Variants in TMEM64 observed in about 807,000 individuals in gnomAD.
The protein encoded by TMEM64 is transmembrane protein 64.
TMEM64 carries 19 observed loss-of-function variants against 24.5 expected under a neutral mutation model. That is an observed-to-expected ratio of 0.78 (90% CI 0.54 to 1.14). The LOEUF (loss-of-function observed/expected upper bound fraction) is 1.14. Ranked by LOEUF, TMEM64 falls within the 50% of genes most tolerant of loss-of-function variation. The pLI is 0.00. For missense variants in TMEM64, 487 were observed against 493.0 expected (o/e 0.99, Z 0.12); for synonymous variants, 262 against 224.7 (o/e 1.17, Z -1.49).
chr8:90,644,656 A>G (rs567872370), intron 1 of TMEM64, among the ~76,000 whole-genome samples: 2 of 152,340 alleles, frequency 1.3e-5, no homozygotes, highest in South Asian at 4.1e-4. Context: ...GGAGTCTGCA[A>G]CTAGCTCCTC....
intron 1 of TMEM64, among the ~76,000 whole-genome samples, chr8:90,643,226 C>G (rs903252067): frequency 2.0e-5 from 3 of 152,210 alleles, no homozygotes; most frequent in African/African-American, 7.2e-5. Flanking sequence ...CAAAGTTTGA[C>G]TCTACCATTA....
chr8:90,641,330 T>C (rs1223206343), intron 1 of TMEM64, among the ~76,000 whole-genome samples: 1 of 152,056 alleles, frequency 6.6e-6, no homozygotes, highest in Non-Finnish European at 1.5e-5. Flanking sequence ...AAGTTTGAAT[T>C]TCATATAATT....
intron 2 of TMEM64, among the ~76,000 whole-genome samples, chr8:90,629,780 T>C (rs1240246740): frequency 6.6e-6 from 1 of 152,156 alleles, no homozygotes; most frequent in Non-Finnish European, 1.5e-5. Flanking sequence ...ACTCTTTGCA[T>C]GTCAAAAATA....
rs1809302444 is a variant in TMEM64 at position 90,622,916 on chromosome 8, C to G, written c.*2755G>C. On this transcript the variant is annotated 3_prime_UTR_variant, in exon 3 of 3. Transcript: ENST00000458549. ...ATTTGGTAATATTATTTTCACAAAC[C>G]AAACAGTACAAATTTCAAGTTATTT... is the stretch of plus-strand genomic sequence containing the variant. 6.6e-6 allele frequency: 1 copy of G among 151,944 alleles called. No homozygotes were observed. Among genetic ancestry groups the G allele is most frequent in the Non-Finnish European group, 1.5e-5 (1 of 67,988 alleles). The allele number at this position is 151,944 out of a possible 1,614,324, so 9.4% of individuals were successfully genotyped here.
At chr8:90,626,629 C>CTTT (rs34029067) in intron 2 of TMEM64, among the ~76,000 whole-genome samples, 17 of 105,800 alleles carry the variant, frequency 1.6e-4, no homozygotes, top group East Asian at 2.8e-4. Context: ...TTTTTTCTTT[C>CTTT]TTTTTTTTTT....
chr8:90,636,706 A>G (rs1809523202), intron 1 of TMEM64, among the ~76,000 whole-genome samples: 1 of 152,204 alleles, frequency 6.6e-6, no homozygotes, highest in Non-Finnish European at 1.5e-5. Context: ...AAGTTATAAA[A>G]TTCTGTCTCC....
At chr8:90,626,629 C>CTT (rs34029067) in intron 2 of TMEM64, among the ~76,000 whole-genome samples, 17 of 105,810 alleles carry the variant, frequency 1.6e-4, no homozygotes, top group Non-Finnish European at 1.7e-4. Context: ...TTTTTTCTTT[C>CTT]TTTTTTTTTT....
intron 1 of TMEM64, among the ~76,000 whole-genome samples, chr8:90,632,551 T>G (rs1453092462): frequency 6.6e-6 from 1 of 152,136 alleles, no homozygotes. Context: ...CTCGATATCC[T>G]GACCTTGTGA....
intron 1 of TMEM64, among the ~76,000 whole-genome samples, chr8:90,638,669 G>T (rs1362343057): frequency 6.6e-6 from 1 of 151,944 alleles, no homozygotes; most frequent in African/African-American, 2.4e-5. Flanking sequence ...TTTATTGGAG[G>T]TTGGATGTAT....
chr8:90,628,887 C>A (rs1443777105), intron 2 of TMEM64, among the ~76,000 whole-genome samples: 1 of 152,146 alleles, frequency 6.6e-6, no homozygotes, highest in Non-Finnish European at 1.5e-5. Flanking sequence ...TGAGGAAATT[C>A]AAAATCTAAA....
chr8:90,644,029 T>C (rs897632112), intron 1 of TMEM64, among the ~76,000 whole-genome samples: 1 of 152,226 alleles, frequency 6.6e-6, no homozygotes, highest in African/African-American at 2.4e-5. Flanking sequence ...AAACTAACAA[T>C]AATTTACGTT....
At position 90,623,087 on chromosome 8, in the gene TMEM64, AC is replaced by A. The variant is rs1236895199; in HGVS notation, c.*2583del. 5 of 152,310 alleles carry A rather than the reference AC, an allele frequency of 3.3e-5. No individual in the cohort carries two copies. Among genetic ancestry groups the A allele is most frequent in the Non-Finnish European group, 5.9e-5 (4 of 68,010 alleles). The allele number at this position is 152,310 out of a possible 1,614,324, so 9.4% of individuals were successfully genotyped here. ...AAAATCATTAACAATAAACCAAAAA[AC>A]ATGTAAAACTTAAGAAAACTCCCAA... is the stretch of plus-strand genomic sequence containing the variant. On this transcript the variant is annotated 3_prime_UTR_variant, in exon 3 of 3. Transcript: ENST00000458549.
chr8:90,639,185 G>A (rs1809565228), intron 1 of TMEM64, among the ~76,000 whole-genome samples: 1 of 151,910 alleles, frequency 6.6e-6, no homozygotes, highest in Admixed American at 6.6e-5. Context: ...GAGGGCTTCA[G>A]GGTAAAGAGA....
At chr8:90,630,236 A>C (rs1809416924) in intron 2 of TMEM64, among the ~76,000 whole-genome samples, 1 of 152,198 alleles carries the variant, frequency 6.6e-6, no homozygotes, top group South Asian at 2.1e-4. Context: ...TCCATGCTTT[A>C]AATGATTTCT....
intron 1 of TMEM64, among the ~76,000 whole-genome samples, chr8:90,632,354 G>GCT (rs2130500362): frequency 6.6e-6 from 1 of 152,150 alleles, no homozygotes; most frequent in Non-Finnish European, 1.5e-5. Flanking sequence ...ACAGAGTCTT[G>GCT]CTCTGTCGCC....
intron 1 of TMEM64, among the ~76,000 whole-genome samples, chr8:90,644,578 C>T (rs942433021): frequency 3.9e-5 from 6 of 152,194 alleles, no homozygotes; most frequent in African/African-American, 1.4e-4. Flanking sequence ...TTCTTCTTTA[C>T]ATCACATTAA....
intron 1 of TMEM64, among the ~76,000 whole-genome samples, chr8:90,638,108 AC>A (rs112143501): frequency 0.036 from 5,489 of 152,034 alleles, 279 homozygotes; most frequent in African/African-American, 0.12. Flanking sequence ...CCCACTCACT[AC>A]CTATGGTAAC....
rs1351596497 is a variant in TMEM64 at position 90,622,946 on chromosome 8, A to G, written c.*2725T>C. ...AGTACAAATTTCAAGTTATTTCACA[A>G]ATCAGATGATCAAATAAAAATGGAC... On this transcript the variant is annotated 3_prime_UTR_variant, in exon 3 of 3. Transcript: ENST00000458549. 6.6e-6 allele frequency: 1 copy of G among 152,190 alleles called. No homozygotes were observed. The highest frequency in any genetic ancestry group is 1.5e-5 in the Non-Finnish European group (1 of 68,028). 9.4% of individuals were successfully genotyped at this position (152,190 alleles called of 1,614,324 possible). A position where few individuals can be genotyped will look rare whatever the true frequency, so the allele number is the denominator to read the frequency against.
At chr8:90,640,284 T>A in intron 1 of TMEM64, among the ~76,000 whole-genome samples, 1 of 152,202 alleles carries the variant, frequency 6.6e-6, no homozygotes, top group Non-Finnish European at 1.5e-5. Flanking sequence ...ACCGATCATA[T>A]CTTTTTTTGA....
Sources: gnomAD v4.1 joint callset for allele counts (sites outside exome capture counted in the v4.1 genomes callset) on GRCh38, gnomAD v4.1.1 for gene constraint, MANE v1.5 for transcripts, NCBI Gene and HGNC (gene_info 2026-07-23, HGNC 2026-07-21) for gene names.